The following SLIT3 variants were observed in gnomAD, a reference collection of about 807,000 sequenced individuals.
The protein encoded by SLIT3 is slit guidance ligand 3, also known as slit homolog 3 protein.
A neutral mutation model predicts 184.0 loss-of-function variants in SLIT3; 68 were observed. The observed-to-expected ratio is 0.37, with a 90% CI of 0.30 to 0.45. The LOEUF is 0.45. Among genes scored for constraint, SLIT3 ranks in the 20% least tolerant of loss-of-function variants. SLIT3 has a pLI of 1.00. For missense variants in SLIT3, 1,707 were observed against 2,026.0 expected (o/e 0.84, Z 3.02); for synonymous variants, 831 against 828.6 (o/e 1.00, Z -0.05).
chr5:168,916,798 TTC>T (rs1274764853), intron 4 of SLIT3, among the ~76,000 whole-genome samples: 4 of 152,120 alleles, frequency 2.6e-5, no homozygotes, highest in Non-Finnish European at 1.5e-5. Context: ...CTTAAGGAGA[TTC>T]TTCTTCTTTT....
At chr5:169,208,679 T>C (rs1272445578) in intron 3 of SLIT3, among the ~76,000 whole-genome samples, 2 of 152,122 alleles carry the variant, frequency 1.3e-5, no homozygotes, top group Non-Finnish European at 2.9e-5. Context: ...AAACAAGCAA[T>C]GGGGAAATGA....
In SLIT3 at chr5:169,229,743, T is replaced by G. The variant is rs78997074; in HGVS notation, c.341+14962A>C. 2.0e-3 allele frequency among the ~76,000 whole-genome samples: 312 copies of G among 152,254 alleles called. 2 individuals carry two copies. The East Asian group carries it at 0.032, about 16-fold the overall frequency. On this transcript the variant is annotated intron_variant, in intron 3 of 35. Coordinates refer to ENST00000519560, the MANE Select transcript of SLIT3 (RefSeq NM_003062.4). ...TGCTGAAATCACTGAGTGATGGCTG[T>G]GCCGATCTCAAAATGAAGCACTTCA...
chr5:169,101,723 C>T (rs1440812555), intron 4 of SLIT3, among the ~76,000 whole-genome samples: 1 of 152,218 alleles, frequency 6.6e-6, no homozygotes, highest in Non-Finnish European at 1.5e-5. Context: ...TCTCTGGTCT[C>T]ATTATCTGAG....
chr5:168,770,770 A>G (rs143601652), intron 14 of SLIT3, among the ~76,000 whole-genome samples: 1 of 152,094 alleles, frequency 6.6e-6, no homozygotes, highest in East Asian at 1.9e-4. Context: ...AGCAGCCAGG[A>G]TCCTGCAGAT....
At chr5:168,873,901 C>G (rs909234541) in intron 5 of SLIT3, among the ~76,000 whole-genome samples, 2 of 152,004 alleles carry the variant, frequency 1.3e-5, no homozygotes, top group African/African-American at 4.8e-5. Flanking sequence ...CAACGAATAC[C>G]AGAGCCTCAA....
chr5:168,909,401 C>T (rs964170450), intron 4 of SLIT3, among the ~76,000 whole-genome samples: 4 of 152,192 alleles, frequency 2.6e-5, no homozygotes, highest in African/African-American at 9.7e-5. Context: ...TAGGTCCTCT[C>T]CCCCATGGCG....
chr5:169,006,605 T>TCTCTCTCTCTCA lies in SLIT3; in HGVS notation c.414-123270_414-123269insTGAGAGAGAGAG, dbSNP rs899753279. 1.0e-3 allele frequency among the ~76,000 whole-genome samples: 147 copies of TCTCTCTCTCTCA among 145,874 alleles called. 1 individual carries two copies. Among genetic ancestry groups the TCTCTCTCTCTCA allele is most frequent in the African/African-American group, 3.6e-3 (141 of 39,260 alleles). On this transcript the variant is annotated intron_variant, in intron 4 of 35. Coordinates refer to ENST00000519560, the MANE Select transcript of SLIT3 (RefSeq NM_003062.4). ...CTCTCTCTCTCTCTCTCTCTCTCTC[T>TCTCTCTCTCTCA]CACACACACACACACACACACACAC...
At chr5:169,007,710 C>T (rs1052338642) in intron 4 of SLIT3, among the ~76,000 whole-genome samples, 9 of 152,324 alleles carry the variant, frequency 5.9e-5, no homozygotes, top group Middle Eastern at 3.4e-3. Flanking sequence ...CTCTTAATAG[C>T]GTTTCTTCCC....
At chr5:169,130,093 C>G (rs1215063179) in intron 4 of SLIT3, among the ~76,000 whole-genome samples, 3 of 152,114 alleles carry the variant, frequency 2.0e-5, no homozygotes, top group African/African-American at 7.2e-5. Context: ...ATGATCCACC[C>G]ATCTCGGCCT....
At chr5:168,884,549 G>GAT (rs58407375) in intron 4 of SLIT3, among the ~76,000 whole-genome samples, 3,022 of 41,066 alleles carry the variant, frequency 0.074, 425 homozygotes, top group Admixed American at 0.18. Flanking sequence ...CCAATTACGA[G>GAT]ATATATATAT....
chr5:169,004,169 A>C lies in SLIT3; in HGVS notation c.414-120833T>G, dbSNP rs1013235839. On this transcript the variant is annotated intron_variant, in intron 4 of 35. Transcript: ENST00000519560. ...CCACGACTGTTTTGGGAAAAAAAAA[A>C]CACACACACCAAAAAACAGAACAAC... Among the ~76,000 whole-genome samples, 12 of 151,976 alleles carry C rather than the reference A, an allele frequency of 7.9e-5. No homozygotes were observed. In the South Asian group the frequency reaches 8.3e-4, roughly 11 times the overall value.
At chr5:168,854,494 T>C (rs1479954344) in intron 5 of SLIT3, among the ~76,000 whole-genome samples, 3 of 152,176 alleles carry the variant, frequency 2.0e-5, no homozygotes, top group African/African-American at 7.2e-5. Flanking sequence ...CTGAGGATCA[T>C]GGATGGGTGT....
chr5:168,816,579 T>C (rs1012130559), intron 8 of SLIT3, among the ~76,000 whole-genome samples: 3 of 152,222 alleles, frequency 2.0e-5, no homozygotes, highest in African/African-American at 7.2e-5. Context: ...CCTTCAGTTA[T>C]GTGTCTGCAT....
chr5:168,795,031 T>G (rs1756518500), intron 10 of SLIT3, among the ~76,000 whole-genome samples: 1 of 152,238 alleles, frequency 6.6e-6, no homozygotes, highest in Admixed American at 6.5e-5. Flanking sequence ...TGGTTTCTGT[T>G]CACTGCTCTA....
chr5:168,749,943 G>A (rs755742627), intron 18 of SLIT3, among the ~76,000 whole-genome samples: 6 of 152,108 alleles, frequency 3.9e-5, no homozygotes, highest in Non-Finnish European at 7.4e-5. Context: ...CTGGGAACCC[G>A]TATCTTTACA....
At chr5:168,714,709 C>G (rs1210457100) in intron 23 of SLIT3, among the ~76,000 whole-genome samples, 2 of 152,198 alleles carry the variant, frequency 1.3e-5, no homozygotes, top group South Asian at 4.1e-4. Context: ...TCTTGCCTGT[C>G]AAACAACCAT....
chr5:168,730,898 G>A lies in SLIT3; in HGVS notation c.2271-6414C>T, dbSNP rs184357470. Among the ~76,000 whole-genome samples, 7 of 151,918 alleles carry A rather than the reference G, an allele frequency of 4.6e-5. No individual in the cohort carries two copies. In the East Asian group the frequency reaches 9.6e-4, roughly 21 times the overall value. On this transcript the variant is annotated intron_variant, in intron 20 of 35. Coordinates refer to ENST00000519560, the MANE Select transcript of SLIT3 (RefSeq NM_003062.4). Reference sequence around the variant, plus strand: ...GATCATGCTGAGACTAAGGATTCTAGTATGAACAACAAAACAGAAAAGAAA... The same window carrying A: ...GATCATGCTGAGACTAAGGATTCTAATATGAACAACAAAACAGAAAAGAAA...
At position 169,067,359 on chromosome 5, in the gene SLIT3, T is replaced by TCA. The variant is rs112608440; in HGVS notation, c.413+126118_413+126119dup. Among the ~76,000 whole-genome samples, 1,220 of 151,976 alleles carry TCA rather than the reference T, an allele frequency of 8.0e-3. 8 individuals carry two copies. The highest frequency in any genetic ancestry group is 0.039 in the East Asian group (200 of 5,168). ...AAGCAGAAGTTGCAGTGAGCAGAGA[T>TCA]CACACCATTGCACTTCAGCCTGGCC... On this transcript the variant is annotated intron_variant, in intron 4 of 35. Coordinates refer to ENST00000519560, the MANE Select transcript of SLIT3 (RefSeq NM_003062.4).
intron 6 of SLIT3, among the ~76,000 whole-genome samples, chr5:168,842,478 T>TTGTTG (rs1207804680): frequency 6.9e-6 from 1 of 145,730 alleles, no homozygotes; most frequent in African/African-American, 2.6e-5. Flanking sequence ...CGTTTTTTTT[T>TTGTTG]TTTTTTTTTG....
Sources: gnomAD v4.1 joint callset for allele counts (sites outside exome capture counted in the v4.1 genomes callset) on GRCh38, gnomAD v4.1.1 for gene constraint, MANE v1.5 for transcripts, NCBI Gene and HGNC (gene_info 2026-07-23, HGNC 2026-07-21) for gene names.